Variants in HHAT observed in about 807,000 individuals in gnomAD.
The protein encoded by HHAT is protein-cysteine N-palmitoyltransferase HHAT.
In HHAT, 47 loss-of-function variants were observed where a neutral mutation model predicts 70.8. That is an observed-to-expected ratio of 0.66 (90% confidence interval 0.53 to 0.85). The LOEUF is 0.85. Ranked by LOEUF, HHAT falls within the 40% of genes least tolerant of loss-of-function variation. The pLI is 0.00. For synonymous variants in HHAT, 228 were observed against 247.6 expected (o/e 0.92, Z 0.74); for missense variants, 609 against 604.8 (o/e 1.01, Z -0.07).
At chr1:210,364,852 TC>T (rs1173940796) in intron 3 of HHAT, among the ~76,000 whole-genome samples, 1 of 152,174 alleles carries the variant, frequency 6.6e-6, no homozygotes, top group East Asian at 1.9e-4. Flanking sequence ...CACAGAAAAG[TC>T]CACGTGGCAC....
chr1:210,674,074 C>T (rs556755175), intron 11 of HHAT, among the ~76,000 whole-genome samples: 1 of 151,502 alleles, frequency 6.6e-6, no homozygotes, highest in African/African-American at 2.4e-5. Context: ...TCGTCATAAA[C>T]ATGGTTTGTG....
At chr1:210,654,023 A>G (rs74417150) in intron 11 of HHAT, among the ~76,000 whole-genome samples, 7 of 1,366 alleles carry the variant, frequency 5.1e-3, no homozygotes, top group African/African-American at 5.8e-3. Context: ...GTGTGACAGC[A>G]GAATAGTGTG....
At chr1:210,405,619 C>T (rs3765861) in intron 6 of HHAT, among the ~76,000 whole-genome samples, 13,647 of 152,122 alleles carry the variant, frequency 0.09, 703 homozygotes, top group Middle Eastern at 0.12. Flanking sequence ...AAGTTGCTCC[C>T]TGAAAAAGGA....
intron 9 of HHAT, among the ~76,000 whole-genome samples, chr1:210,530,136 G>A (rs1047181326): frequency 6.6e-6 from 1 of 152,144 alleles, no homozygotes; most frequent in Non-Finnish European, 1.5e-5. Flanking sequence ...CTCAGGTTAT[G>A]TAAAATTGCA....
intron 10 of HHAT, 130 bp downstream of exon 10, chr1:210,588,229 T>C (rs1660917044): frequency 5.7e-6 from 4 of 705,732 alleles, no homozygotes; most frequent in Non-Finnish European, 9.3e-6. Flanking sequence ...AAAGTCCATA[T>C]GCCTAGAGGC....
At chr1:210,350,164 A>G (rs1047813781) in intron 2 of HHAT, among the ~76,000 whole-genome samples, 1 of 152,206 alleles carries the variant, frequency 6.6e-6, no homozygotes, top group African/African-American at 2.4e-5. Flanking sequence ...TAAACTTTAG[A>G]GTCAATTTGT....
At chr1:210,622,653 G>T (rs553080653) in intron 10 of HHAT, among the ~76,000 whole-genome samples, 1 of 152,304 alleles carries the variant, frequency 6.6e-6, no homozygotes, top group South Asian at 2.1e-4. Flanking sequence ...CATCCTCAGT[G>T]CCGACGTGTG....
At chr1:210,430,278 A>T (rs765089049) in intron 7 of HHAT, among the ~76,000 whole-genome samples, 1 of 151,742 alleles carries the variant, frequency 6.6e-6, no homozygotes, top group African/African-American at 2.4e-5. Context: ...TTAGCCCTGT[A>T]TTGGAATCAG....
intron 8 of HHAT, among the ~76,000 whole-genome samples, chr1:210,503,497 A>G (rs1332244716): frequency 6.6e-6 from 1 of 152,078 alleles, no homozygotes; most frequent in East Asian, 1.9e-4. Context: ...TTTTCTCTCC[A>G]CCAAATCACT....
chr1:210,609,637 T>G (rs1666198322), intron 10 of HHAT, among the ~76,000 whole-genome samples: 1 of 152,112 alleles, frequency 6.6e-6, no homozygotes, highest in South Asian at 2.1e-4. Flanking sequence ...CAGCATCCAT[T>G]AGCTGTTCTT....
chr1:210,487,371 A>G (rs866512955), intron 8 of HHAT, among the ~76,000 whole-genome samples: 1 of 152,182 alleles, frequency 6.6e-6, no homozygotes. Context: ...GCAGAGCCCC[A>G]CAATACCTAC....
chr1:210,396,116 G>A (rs1240931815), intron 4 of HHAT, among the ~76,000 whole-genome samples: 9 of 152,146 alleles, frequency 5.9e-5, no homozygotes, highest in Admixed American at 3.9e-4. Flanking sequence ...AGGCCATAGC[G>A]TTCAGTCTGG....
chr1:210,430,709 C>A (rs2093218458), intron 7 of HHAT, among the ~76,000 whole-genome samples: 1 of 151,782 alleles, frequency 6.6e-6, no homozygotes, highest in South Asian at 2.1e-4. Context: ...ATACTGAGTG[C>A]TCTGTATTCA....
intron 8 of HHAT, among the ~76,000 whole-genome samples, chr1:210,472,838 C>A (rs2094229025): frequency 6.6e-6 from 1 of 152,128 alleles, no homozygotes; most frequent in Admixed American, 6.5e-5. Context: ...TGGGGGCTTA[C>A]AGGTCATAGG....
intron 3 of HHAT, among the ~76,000 whole-genome samples, chr1:210,384,684 A>G (rs1458862326): frequency 6.6e-6 from 1 of 152,146 alleles, no homozygotes; most frequent in African/African-American, 2.4e-5. Context: ...ACCCCCTTAG[A>G]GTGCCAAAGA....
intron 8 of HHAT, among the ~76,000 whole-genome samples, chr1:210,499,910 G>A (rs1349426761): frequency 1.3e-5 from 2 of 152,082 alleles, no homozygotes; most frequent in Non-Finnish European, 2.9e-5. Flanking sequence ...AACTGAGAAA[G>A]GAAAGGACAC....
intron 1 of HHAT, among the ~76,000 whole-genome samples, chr1:210,333,812 C>A (rs1018628199): frequency 6.6e-6 from 1 of 152,088 alleles, no homozygotes; most frequent in South Asian, 2.1e-4. Context: ...TGTTCACCAC[C>A]GTGCCTGGCT....
At position 210,507,384 on chromosome 1, in the gene HHAT, G is replaced by A. The variant is rs557190164; in HGVS notation, c.1008-5769G>A. Among the ~76,000 whole-genome samples the A allele has an allele frequency of 9.3e-5, 12 of 129,178 alleles. No homozygotes were observed. The East Asian group carries it at 2.1e-3, about 23-fold the overall frequency. 84.7% of individuals were successfully genotyped at this position (129,178 alleles called of 152,430 possible). A position where few individuals can be genotyped will look rare whatever the true frequency, so the allele number is the denominator to read the frequency against. ...CTTTTTTTTTTTTTTTTTTTGAGAC[G>A]GAGTCTTGCTTTGTCGCCCAGGCTG... On this transcript the variant is annotated intron_variant, in intron 8 of 11. Coordinates refer to ENST00000261458, the MANE Select transcript of HHAT (RefSeq NM_018194.6).
intron 11 of HHAT, among the ~76,000 whole-genome samples, chr1:210,657,781 T>C (rs1676755020): frequency 6.6e-6 from 1 of 152,126 alleles, no homozygotes; most frequent in South Asian, 2.1e-4. Flanking sequence ...TGCCCTTCCC[T>C]CCCTTGGTAA....
Sources: allele counts gnomAD v4.1 joint callset (sites outside exome capture counted in the v4.1 genomes callset), GRCh38; gene constraint gnomAD v4.1.1; transcripts MANE v1.5; gene names NCBI Gene and HGNC (gene_info 2026-07-23, HGNC 2026-07-21).